MDGA2: variants seen among roughly 807,000 people sequenced by gnomAD.
MDGA2 encodes the protein MAM domain-containing glycosylphosphatidylinositol anchor protein 2.
MDGA2 carries 40 observed loss-of-function variants against 117.8 expected under a neutral mutation model. The ratio of observed to expected loss-of-function variants is 0.34; its 90% CI spans 0.26 to 0.44. The LOEUF is 0.44. Ranked by LOEUF, MDGA2 falls within the 20% of genes least tolerant of loss-of-function variation. The pLI is 1.00. For synonymous variants in MDGA2, 452 were observed against 439.0 expected (o/e 1.03, Z -0.37); for missense variants, 1,123 against 1,250.6 (o/e 0.90, Z 1.54).
Position 46,873,424 on chromosome 14 carries a change from C to T in MDGA2, c.2752+9G>A. The T allele has an allele frequency of 6.4e-7, 1 of 1,574,038 alleles. No individual in the cohort carries two copies. The highest frequency in any genetic ancestry group is 1.4e-5 in the African/African-American group (1 of 73,446). On this transcript the variant is annotated intron_variant, in intron 14 of 16. Transcript: ENST00000399232. ...ATTTTGTAAGAATCAGTAATTATTGCTATCTCACCTATATGTTGTCCATAC... is the reference window on the plus strand; with the variant it reads ...ATTTTGTAAGAATCAGTAATTATTGTTATCTCACCTATATGTTGTCCATAC...
At chr14:47,629,019 C>T (rs1434924691) in intron 1 of MDGA2, among the ~76,000 whole-genome samples, 1 of 152,240 alleles carries the variant, frequency 6.6e-6, no homozygotes, top group Non-Finnish European at 1.5e-5. Flanking sequence ...CCTGTACCCA[C>T]TCCTGCTTTT....
chr14:47,153,959 C>G (rs1407277341), intron 3 of MDGA2, among the ~76,000 whole-genome samples: 2 of 152,110 alleles, frequency 1.3e-5, no homozygotes, highest in Non-Finnish European at 2.9e-5. Context: ...ATGGGTCTAG[C>G]ATTTTCCTGT....
chr14:47,064,845 TAA>T (rs1385279663), intron 6 of MDGA2, among the ~76,000 whole-genome samples: 2 of 152,150 alleles, frequency 1.3e-5, no homozygotes, highest in African/African-American at 4.8e-5. Flanking sequence ...AATGTTAATT[TAA>T]AGTCATTTCC....
At chr14:47,059,907 A>G (rs1324004561) in intron 7 of MDGA2, among the ~76,000 whole-genome samples, 1 of 152,060 alleles carries the variant, frequency 6.6e-6, no homozygotes, top group Non-Finnish European at 1.5e-5. Context: ...TTATATTGGA[A>G]TGTCATACAG....
chr14:47,106,884 T>TA (rs1880725054), intron 5 of MDGA2, among the ~76,000 whole-genome samples: 1 of 138,210 alleles, frequency 7.2e-6, no homozygotes, highest in Non-Finnish European at 1.6e-5. Context: ...GGTGCCAACT[T>TA]AGACAATACT....
chr14:47,519,183 C>A lies in MDGA2; in HGVS notation c.280+155334G>T, dbSNP rs142960612. ...TCACACCATTTTACTCCAGCTTGGG[C>A]GATAGAGCAAGACTCAGTCTCAAAA... is the stretch of plus-strand genomic sequence containing the variant. On this transcript the variant is annotated intron_variant, in intron 1 of 16. Coordinates refer to ENST00000399232, the MANE Select transcript of MDGA2 (RefSeq NM_001113498.3). Among the ~76,000 whole-genome samples the A allele has an allele frequency of 2.0e-5, 3 of 152,112 alleles. No individual in the cohort carries two copies. The East Asian group carries it at 5.8e-4, about 29-fold the overall frequency.
intron 10 of MDGA2, among the ~76,000 whole-genome samples, chr14:46,882,948 G>A (rs1377325280): frequency 6.6e-6 from 1 of 151,824 alleles, no homozygotes; most frequent in African/African-American, 2.4e-5. Flanking sequence ...AGATGAAAGT[G>A]TGATTGTAAT....
intron 10 of MDGA2, among the ~76,000 whole-genome samples, chr14:46,894,520 G>T (rs527937115): frequency 6.6e-6 from 1 of 152,048 alleles, no homozygotes; most frequent in Non-Finnish European, 1.5e-5. Flanking sequence ...TTAGGACAAG[G>T]GTTAGTCATA....
chr14:47,307,189 T>A (rs913319831), intron 1 of MDGA2, among the ~76,000 whole-genome samples: 1 of 152,180 alleles, frequency 6.6e-6, no homozygotes, highest in Non-Finnish European at 1.5e-5. Flanking sequence ...CTTCCATTCT[T>A]TTCTTTCCTA....
intron 1 of MDGA2, among the ~76,000 whole-genome samples, chr14:47,593,949 A>G (rs545974397): frequency 6.6e-6 from 1 of 152,176 alleles, no homozygotes; most frequent in South Asian, 2.1e-4. Context: ...GTTACTGCAA[A>G]TATTTCTTGC....
At position 47,526,814 on chromosome 14, in the gene MDGA2, C is replaced by T. The variant is rs1894982415; in HGVS notation, c.280+147703G>A. Among the ~76,000 whole-genome samples, 3 of 152,158 alleles carry T rather than the reference C, an allele frequency of 2.0e-5. No individual in the cohort carries two copies. The South Asian group carries it at 6.2e-4, about 31-fold the overall frequency. ...TAAGCGTCTGACTTTATACTTCCTC[C>T]TCAGGCTCTCTTCTCTTTGCTGAAA... On this transcript the variant is annotated intron_variant, in intron 1 of 16. Coordinates refer to ENST00000399232, the MANE Select transcript of MDGA2 (RefSeq NM_001113498.3).
At chr14:47,144,348 C>A in intron 3 of MDGA2, 74 bp from the exon 4 acceptor site, 1 of 1,133,974 alleles carries the variant, frequency 8.8e-7, no homozygotes, top group Middle Eastern at 2.5e-4. Context: ...CTTATATAAC[C>A]CAACCAAAAA....
At chr14:47,184,541 A>T (rs1172719419) in intron 3 of MDGA2, among the ~76,000 whole-genome samples, 1 of 151,814 alleles carries the variant, frequency 6.6e-6, no homozygotes. Flanking sequence ...CTATTTCATC[A>T]CCTATAAGAC....
At chr14:47,491,403 G>T (rs895796258) in intron 1 of MDGA2, among the ~76,000 whole-genome samples, 1 of 151,976 alleles carries the variant, frequency 6.6e-6, no homozygotes, top group Admixed American at 6.6e-5. Flanking sequence ...TGAGAATAAG[G>T]GGCGTGTTGA....
chr14:46,909,582 A>G (rs2138475992), intron 10 of MDGA2, among the ~76,000 whole-genome samples: 1 of 152,326 alleles, frequency 6.6e-6, no homozygotes, highest in Admixed American at 6.5e-5. Flanking sequence ...GTTCACTAAC[A>G]TTAATGGGAT....
At chr14:47,627,112 C>T (rs1002068825) in intron 1 of MDGA2, among the ~76,000 whole-genome samples, 1 of 151,806 alleles carries the variant, frequency 6.6e-6, no homozygotes, top group African/African-American at 2.4e-5. Flanking sequence ...CTTGGAGAAC[C>T]TTTATGTCTA....
At chr14:47,588,229 G>GATATATATATATATATATATAT (rs1243073183) in intron 1 of MDGA2, among the ~76,000 whole-genome samples, 1 of 101,962 alleles carries the variant, frequency 9.8e-6, no homozygotes, top group African/African-American at 4.0e-5. Context: ...ATCTCTTGGA[G>GATATATATATATATATATATAT]ATAGATAGAT....
At chr14:47,673,068 T>C (rs1898104591) in intron 1 of MDGA2, among the ~76,000 whole-genome samples, 1 of 152,062 alleles carries the variant, frequency 6.6e-6, no homozygotes, top group African/African-American at 2.4e-5. Flanking sequence ...AGTGAAGGTT[T>C]CTTGGGAGCC....
intron 9 of MDGA2, among the ~76,000 whole-genome samples, chr14:46,938,551 A>AAAAAAAAAAAAAAAAAAAAG (rs1884873637): frequency 6.8e-6 from 1 of 147,458 alleles, no homozygotes; most frequent in Non-Finnish European, 1.5e-5. Flanking sequence ...AAAAAAAAAA[A>AAAAAAAAAAAAAAAAAAAAG]AAAAAAAAAG....
Sources: allele counts gnomAD v4.1 joint callset (sites outside exome capture counted in the v4.1 genomes callset), GRCh38; gene constraint gnomAD v4.1.1; transcripts MANE v1.5; gene names NCBI Gene and HGNC (gene_info 2026-07-23, HGNC 2026-07-21).